SSBP2: variants seen among roughly 807,000 people sequenced by gnomAD.
The protein encoded by SSBP2 is single stranded DNA binding protein 2.
Under a neutral mutation model 61.8 loss-of-function variants are expected in SSBP2, and 17 were observed. That is an observed-to-expected ratio of 0.28 (90% confidence interval 0.19 to 0.41). The LOEUF is 0.41. Among genes scored for constraint, SSBP2 ranks in the 10% least tolerant of loss-of-function variants. The pLI is 1.00. For synonymous variants in SSBP2, 139 were observed against 141.3 expected (o/e 0.98, Z 0.12); for missense variants, 310 against 458.7 (o/e 0.68, Z 2.96).
At chr5:81,437,705 CTG>C (rs1344066142) in intron 14 of SSBP2, 12 of 287,486 alleles carry the variant, frequency 4.2e-5, no homozygotes, top group Non-Finnish European at 7.9e-5. Context: ...ATGAAGAAAA[CTG>C]TTGTTATCAT....
chr5:81,427,465 C>G (rs1346759220), intron 16 of SSBP2, among the ~76,000 whole-genome samples: 1 of 152,082 alleles, frequency 6.6e-6, no homozygotes, highest in Non-Finnish European at 1.5e-5. Context: ...CTGCAAAGGT[C>G]CCATGTGGAT....
At chr5:81,594,353 T>G (rs1274523458) in intron 4 of SSBP2, among the ~76,000 whole-genome samples, 5 of 152,126 alleles carry the variant, frequency 3.3e-5, no homozygotes, top group East Asian at 3.9e-4. Flanking sequence ...AAGTCCTTAG[T>G]GACCTACAAA....
At chr5:81,697,387 T>C (rs1336087484) in intron 1 of SSBP2, among the ~76,000 whole-genome samples, 2 of 152,228 alleles carry the variant, frequency 1.3e-5, no homozygotes, top group Non-Finnish European at 2.9e-5. Flanking sequence ...TGGTGGTTTA[T>C]TTCATTCACT....
In SSBP2 at chr5:81,428,598, A is replaced by G; in HGVS notation, c.1043T>C (p.Phe348Ser). The stretch of plus-strand genomic sequence containing the variant: ...GGGAATACTTACACTCTCACTCTGA[A>G]AAGGATTTAAGAAATTTCCCCCCAT... Residue 348 changes from phenylalanine (F) to serine (S), a missense_variant, in exon 16 of 17, where the codon TTT (phenylalanine) becomes TCT (serine). This residue lies in a region of SSBP2 where 44 missense variants were observed against 86.2 expected (regional missense o/e 0.51). Coordinates refer to ENST00000320672, the MANE Select transcript of SSBP2 (RefSeq NM_012446.5). 1 of 1,612,712 alleles carries G rather than the reference A, an allele frequency of 6.2e-7. No homozygotes were observed. The highest frequency in any genetic ancestry group is 8.5e-7 in the Non-Finnish European group (1 of 1,178,920).
intron 10 of SSBP2, among the ~76,000 whole-genome samples, chr5:81,454,833 C>T (rs1561420080): frequency 6.6e-6 from 1 of 151,958 alleles, no homozygotes; most frequent in South Asian, 2.1e-4. Context: ...TAACATTGGA[C>T]GCAAAGGGCA....
chr5:81,505,024 A>G (rs1280841447), intron 5 of SSBP2, among the ~76,000 whole-genome samples: 1 of 152,240 alleles, frequency 6.6e-6, no homozygotes, highest in East Asian at 1.9e-4. Flanking sequence ...TTAGTATTCC[A>G]CAGAACCCCC....
intron 1 of SSBP2, among the ~76,000 whole-genome samples, chr5:81,651,269 T>C (rs980149519): frequency 1.6e-4 from 25 of 152,196 alleles, no homozygotes; most frequent in Non-Finnish European, 3.4e-4. Context: ...ATAACCACAA[T>C]TCTGTGGTTA....
At chr5:81,434,311 T>A (rs1392825689) in intron 15 of SSBP2, among the ~76,000 whole-genome samples, 1 of 151,986 alleles carries the variant, frequency 6.6e-6, no homozygotes, top group African/African-American at 2.4e-5. Context: ...AAATACAGAT[T>A]TAACTGGAGA....
chr5:81,432,745 C>A (rs1474880705), intron 15 of SSBP2, among the ~76,000 whole-genome samples: 4 of 151,132 alleles, frequency 2.6e-5, no homozygotes, highest in African/African-American at 9.8e-5. Flanking sequence ...GACTCTGAGT[C>A]CGGGAGGGAG....
chr5:81,463,805 G>A (rs1403696739), intron 9 of SSBP2, among the ~76,000 whole-genome samples: 1 of 117,264 alleles, frequency 8.5e-6, no homozygotes. Context: ...GTCTTGCCCT[G>A]TCACCTAGGT....
chr5:81,584,343 T>G (rs557367854), intron 4 of SSBP2, among the ~76,000 whole-genome samples: 1 of 152,364 alleles, frequency 6.6e-6, no homozygotes, highest in African/African-American at 2.4e-5. Context: ...CAAATGCTTA[T>G]GCATACTTAC....
chr5:81,470,441 A>C (rs1463648604), intron 8 of SSBP2, among the ~76,000 whole-genome samples: 1 of 151,860 alleles, frequency 6.6e-6, no homozygotes, highest in Non-Finnish European at 1.5e-5. Context: ...GTAGGGAAAA[A>C]TATGCCTACT....
intron 1 of SSBP2, among the ~76,000 whole-genome samples, chr5:81,704,795 CAAAAAAAAAAAA>C (rs34376110): frequency 5.8e-5 from 3 of 51,990 alleles, no homozygotes; most frequent in African/African-American, 1.5e-4. Context: ...GATTCCATCT[CAAAAAAAAAAAA>C]AAAAAAAAAA....
At chr5:81,478,201 G>A (rs1297675313) in intron 6 of SSBP2, among the ~76,000 whole-genome samples, 2 of 151,878 alleles carry the variant, frequency 1.3e-5, no homozygotes, top group Non-Finnish European at 2.9e-5. Context: ...TCCCTCAGCT[G>A]CCCAGGCTGC....
intron 4 of SSBP2, among the ~76,000 whole-genome samples, chr5:81,607,556 G>C (rs1745000650): frequency 1.3e-5 from 2 of 152,098 alleles, no homozygotes. Flanking sequence ...CTAAAACATA[G>C]CTACATTGAA....
At chr5:81,647,214 C>T (rs1749348003) in intron 2 of SSBP2, among the ~76,000 whole-genome samples, 1 of 152,010 alleles carries the variant, frequency 6.6e-6, no homozygotes, top group African/African-American at 2.4e-5. Flanking sequence ...GATAAAATCC[C>T]TTTGAACCCT....
intron 5 of SSBP2, among the ~76,000 whole-genome samples, chr5:81,510,305 G>A (rs1032530943): frequency 6.6e-6 from 1 of 152,140 alleles, no homozygotes; most frequent in Non-Finnish European, 1.5e-5. Context: ...CTCTAGCTTA[G>A]AAAATGGTAC....
chr5:81,453,459 T>C (rs1001472913), intron 10 of SSBP2, among the ~76,000 whole-genome samples: 4 of 146,370 alleles, frequency 2.7e-5, no homozygotes, highest in African/African-American at 1.0e-4. Flanking sequence ...GTTTATTCTT[T>C]TTTTTTTTTT....
intron 4 of SSBP2, among the ~76,000 whole-genome samples, chr5:81,593,999 T>C (rs994310322): frequency 1.1e-4 from 17 of 152,212 alleles, no homozygotes; most frequent in African/African-American, 2.9e-4. Flanking sequence ...CAATATTAAC[T>C]TTAAATGTAA....
Sources: allele counts gnomAD v4.1 joint callset (sites outside exome capture counted in the v4.1 genomes callset), GRCh38; gene constraint gnomAD v4.1.1; regional missense constraint gnomAD v4.1.1; transcripts MANE v1.5; gene names NCBI Gene and HGNC (gene_info 2026-07-23, HGNC 2026-07-21).